Variants in PGM5 observed in about 807,000 individuals in gnomAD.
PGM5 encodes phosphoglucomutase 5, also known as phosphoglucomutase-like protein 5.
In PGM5, 23 loss-of-function variants were observed where a neutral mutation model predicts 59.2. The ratio of observed to expected loss-of-function variants is 0.39; its 90% CI spans 0.28 to 0.55. PGM5 has a LOEUF of 0.55. Among genes scored for constraint, PGM5 ranks in the 20% least tolerant of loss-of-function variants. The pLI is 0.66. For missense variants in PGM5, 574 were observed against 748.3 expected, an observed-to-expected ratio of 0.77 and a Z score of 2.72; for synonymous variants, 214 against 286.0, an observed-to-expected ratio of 0.75 and a Z score of 2.54.
intron 6 of PGM5, among the ~76,000 whole-genome samples, chr9:68,408,707 G>A (rs1442174197): frequency 1.3e-5 from 2 of 152,092 alleles, no homozygotes; most frequent in African/African-American, 2.4e-5. Flanking sequence ...TATGGTTTTA[G>A]GTCGAACGTT....
rs149373890 is a variant in PGM5 at position 68,455,456 on chromosome 9, G to T, written c.1044-9637G>T. On this transcript the variant is annotated intron_variant, in intron 6 of 10. Transcript: ENST00000396396. ...TGGTGGACAGGTTAGCAGGAGAAAA[G>T]GAAGGGGAAATGTTCATAGTACACA... Among the ~76,000 whole-genome samples the T allele has an allele frequency of 3.4e-5, 5 of 149,206 alleles. No individual in the cohort carries two copies. The East Asian group carries it at 9.9e-4, about 29-fold the overall frequency.
chr9:68,476,788 A>C (rs534054056), intron 7 of PGM5, among the ~76,000 whole-genome samples: 7 of 152,336 alleles, frequency 4.6e-5, no homozygotes, highest in African/African-American at 1.4e-4. Context: ...ACAAATGTTG[A>C]GGTGGGTTTT....
At chr9:68,518,736 C>T (rs1312527699) in intron 10 of PGM5, among the ~76,000 whole-genome samples, 1 of 152,170 alleles carries the variant, frequency 6.6e-6, no homozygotes, top group Non-Finnish European at 1.5e-5. Context: ...TATAAGATTG[C>T]TGCCTTTGGA....
intron 6 of PGM5, among the ~76,000 whole-genome samples, chr9:68,424,717 G>T (rs1823204683): frequency 1.3e-5 from 2 of 152,326 alleles, no homozygotes; most frequent in South Asian, 4.1e-4. Flanking sequence ...GCTTTTGACA[G>T]ATTGTTGTGA....
intron 10 of PGM5, among the ~76,000 whole-genome samples, chr9:68,501,444 T>A (rs1228134654): frequency 6.6e-6 from 1 of 152,198 alleles, no homozygotes; most frequent in Non-Finnish European, 1.5e-5. Context: ...GAACTCTACC[T>A]AAGCCTTTAA....
At chr9:68,440,378 A>C (rs1265941873) in intron 6 of PGM5, among the ~76,000 whole-genome samples, 1 of 152,202 alleles carries the variant, frequency 6.6e-6, no homozygotes, top group Non-Finnish European at 1.5e-5. Flanking sequence ...AAACCATGCA[A>C]AGTATGTTCC....
chr9:68,376,003 C>T (rs1181221949), intron 1 of PGM5, among the ~76,000 whole-genome samples: 1 of 152,110 alleles, frequency 6.6e-6, no homozygotes, highest in African/African-American at 2.4e-5. Context: ...AGAAGGAGGG[C>T]GGGAGGGCGA....
At chr9:68,424,950 A>G (rs576960058) in intron 6 of PGM5, among the ~76,000 whole-genome samples, 144 of 152,288 alleles carry the variant, frequency 9.5e-4, no homozygotes, top group Middle Eastern at 6.8e-3. Flanking sequence ...CCTTTCTCTG[A>G]AATTCATATA....
At chr9:68,475,345 A>G (rs904240744) in intron 7 of PGM5, among the ~76,000 whole-genome samples, 1 of 151,886 alleles carries the variant, frequency 6.6e-6, no homozygotes. Context: ...AACAACTTTA[A>G]AAATTTATTT....
intron 6 of PGM5, among the ~76,000 whole-genome samples, chr9:68,448,268 G>A (rs1465651641): frequency 6.6e-6 from 1 of 152,126 alleles, no homozygotes; most frequent in Non-Finnish European, 1.5e-5. Context: ...TGAACCCTCT[G>A]TTCTGGGACA....
At chr9:68,376,857 C>CT (rs1554677805) in intron 1 of PGM5, among the ~76,000 whole-genome samples, 18 of 126,060 alleles carry the variant, frequency 1.4e-4, no homozygotes, top group African/African-American at 1.8e-4. Context: ...CTTTCTCTTT[C>CT]TTTCTTTTTT....
rs781899953 is a variant in PGM5 at position 68,387,575 on chromosome 9, C to T, written c.684C>T (p.Asp228=). The T allele has an allele frequency of 3.3e-5, 53 of 1,611,748 alleles. No individual in the cohort carries two copies. In the Middle Eastern group the frequency reaches 6.6e-4, roughly 20 times the overall value. ...CCAGCCAACTGAAGATTCGCATTGA[C>T]GCAATGCACGGAGGTAAGCTTGTGA... The part of the protein sequence containing the change: ...TGPSQLKIRI[D]AMHGVMGPYV... Residue 228 remains aspartate, a synonymous_variant, in exon 4 of 11, where the codon GAC becomes GAT. Transcript: ENST00000396396.
intron 6 of PGM5, among the ~76,000 whole-genome samples, chr9:68,400,885 C>T (rs183834716): frequency 4.5e-4 from 68 of 152,262 alleles, no homozygotes; most frequent in East Asian, 2.7e-3. Flanking sequence ...TGAACTTAAG[C>T]GCAAGGTTGT....
At chr9:68,453,683 GT>G (rs1432062445) in intron 6 of PGM5, among the ~76,000 whole-genome samples, 4 of 152,086 alleles carry the variant, frequency 2.6e-5, no homozygotes, top group African/African-American at 9.7e-5. Context: ...GCTTCCACTG[GT>G]ATTTTAAGAC....
chr9:68,395,513 A>G (rs1291033617), intron 6 of PGM5, among the ~76,000 whole-genome samples: 4 of 152,124 alleles, frequency 2.6e-5, no homozygotes, highest in African/African-American at 4.8e-5. Flanking sequence ...ATTATGTTGA[A>G]TCTATAGAGC....
chr9:68,505,348 G>A (rs947955913), intron 10 of PGM5, among the ~76,000 whole-genome samples: 1 of 152,120 alleles, frequency 6.6e-6, no homozygotes, highest in Non-Finnish European at 1.5e-5. Flanking sequence ...CCAACTGGGT[G>A]CAACAATTCT....
rs201467646 is a variant in PGM5 at position 68,483,884 on chromosome 9, G to T, written c.1315G>T (p.Asp439Tyr). 6.2e-7 allele frequency: 1 copy of T among 1,613,986 alleles called. No homozygotes were observed. The highest frequency in any genetic ancestry group is 8.5e-7 in the Non-Finnish European group (1 of 1,180,004). ...YYCRFDYEGL[D>Y]PKTTYYIMRD... is the part of the protein sequence containing the mutation. ...CACCAGGTTTGACTATGAGGGGTTG[G>T]ATCCCAAGACGACATATTATATCAT... The change falls in exon 9 of 11, where the codon GAT (aspartate) becomes TAT (tyrosine). Residue 439 changes from aspartate (D) to tyrosine (Y), a missense_variant. This residue lies in a region of PGM5 where 300 missense variants were observed against 280.0 expected (regional missense o/e 1.07). Coordinates refer to ENST00000396396, the MANE Select transcript of PGM5 (RefSeq NM_021965.4).
At chr9:68,519,971 T>A (rs970100699) in intron 10 of PGM5, among the ~76,000 whole-genome samples, 30 of 151,136 alleles carry the variant, frequency 2.0e-4, no homozygotes, top group African/African-American at 6.8e-4. Flanking sequence ...GCACTTGTAG[T>A]CCTAGCTAAT....
chr9:68,466,270 G>GTTTTTTTT, intron 7 of PGM5: 1 of 558,470 alleles, frequency 1.8e-6, no homozygotes, highest in Non-Finnish European at 2.3e-6. Context: ...GATACTGTGT[G>GTTTTTTTT]TTTTTTTTTT....
Sources: allele counts gnomAD v4.1 joint callset (sites outside exome capture counted in the v4.1 genomes callset), GRCh38; gene constraint gnomAD v4.1.1; regional missense constraint gnomAD v4.1.1; transcripts MANE v1.5; gene names NCBI Gene and HGNC (gene_info 2026-07-23, HGNC 2026-07-21).